SH3BGRL2: variants seen among roughly 807,000 people sequenced by gnomAD.
The protein encoded by SH3BGRL2 is SH3 domain-binding glutamic acid-rich-like protein 2.
A neutral mutation model predicts 14.8 loss-of-function variants in SH3BGRL2; 21 were observed. That is an observed-to-expected ratio of 1.42 (90% CI 1.01 to 2.05). The LOEUF is 2.05. Ranked by LOEUF, SH3BGRL2 falls within the 30% of genes most tolerant of loss-of-function variation. The probability of loss-of-function intolerance (pLI) is 0.00; values close to 1 mark genes in which losing one functional copy is unlikely to be tolerated. For synonymous variants in SH3BGRL2, 50 were observed against 47.8 expected, an observed-to-expected ratio of 1.05 and a Z score of -0.19; for missense variants, 147 against 130.8, an observed-to-expected ratio of 1.12 and a Z score of -0.61.
At chr6:79,626,919 G>A (rs1398787051), upstream of SH3BGRL2, among the ~76,000 whole-genome samples, 2 of 152,046 alleles carry the variant, frequency 1.3e-5, no homozygotes, top group South Asian at 2.1e-4. Flanking sequence ...GAAAATAGAC[G>A]CACTTAAACT....
At chr6:79,646,451 C>A (rs1017766458) in intron 1 of SH3BGRL2, among the ~76,000 whole-genome samples, 1 of 152,192 alleles carries the variant, frequency 6.6e-6, no homozygotes, top group Non-Finnish European at 1.5e-5. Context: ...CTGGTTCTGG[C>A]GTTGCCATTT....
chr6:79,543,031 A>G, the SH3BGRL2 span, among the ~76,000 whole-genome samples: 5 of 152,194 alleles, frequency 3.3e-5, no homozygotes, highest in Non-Finnish European at 7.3e-5. Flanking sequence ...AGATGACCTC[A>G]TGATCTTAAA....
At chr6:79,662,532 C>A (rs1304252712) in intron 1 of SH3BGRL2, among the ~76,000 whole-genome samples, 2 of 152,202 alleles carry the variant, frequency 1.3e-5, no homozygotes, top group Non-Finnish European at 2.9e-5. Context: ...GTCTGATGGG[C>A]TTCCCTTTGC....
the SH3BGRL2 span, among the ~76,000 whole-genome samples, chr6:79,596,020 G>A: frequency 6.6e-6 from 1 of 152,130 alleles, no homozygotes; most frequent in African/African-American, 2.4e-5. Context: ...TGGATTTATA[G>A]ATAGTAACAA....
chr6:79,693,670 G>C (rs1356844331), intron 2 of SH3BGRL2, among the ~76,000 whole-genome samples: 3 of 152,044 alleles, frequency 2.0e-5, no homozygotes, highest in Admixed American at 6.6e-5. Context: ...TTATTGATTT[G>C]CATATATTGA....
the SH3BGRL2 span, among the ~76,000 whole-genome samples, chr6:79,594,584 A>T: frequency 6.6e-6 from 1 of 151,982 alleles, no homozygotes; most frequent in Non-Finnish European, 1.5e-5. Context: ...CAATGGGTAG[A>T]TGGAGGCTAT....
At chr6:79,645,126 G>A (rs1769104035) in intron 1 of SH3BGRL2, among the ~76,000 whole-genome samples, 1 of 139,990 alleles carries the variant, frequency 7.1e-6, no homozygotes, top group African/African-American at 2.7e-5. Context: ...TTGCACCACT[G>A]CACTCCAGAC....
chr6:79,567,338 A>G, the SH3BGRL2 span, among the ~76,000 whole-genome samples: 12 of 152,232 alleles, frequency 7.9e-5, no homozygotes, highest in Admixed American at 7.8e-4. Context: ...ATCTAGGAAG[A>G]AAAAAGCCAA....
chr6:79,580,547 G>A, the SH3BGRL2 span, among the ~76,000 whole-genome samples: 1 of 152,114 alleles, frequency 6.6e-6, no homozygotes, highest in Non-Finnish European at 1.5e-5. Flanking sequence ...TGACTACTGG[G>A]TAAATAAAGA....
the SH3BGRL2 span, among the ~76,000 whole-genome samples, chr6:79,577,527 A>C: frequency 1.3e-5 from 2 of 152,218 alleles, no homozygotes; most frequent in Admixed American, 1.3e-4. Context: ...AAGTATTGTT[A>C]GCATTTCCTC....
chr6:79,611,773 C>A, the SH3BGRL2 span, among the ~76,000 whole-genome samples: 1 of 152,140 alleles, frequency 6.6e-6, no homozygotes, highest in African/African-American at 2.4e-5. Context: ...CAGTGTTGGG[C>A]AAATCCAGAT....
intron 2 of SH3BGRL2, among the ~76,000 whole-genome samples, chr6:79,689,911 G>A (rs1408660507): frequency 6.6e-6 from 1 of 152,130 alleles, no homozygotes; most frequent in Non-Finnish European, 1.5e-5. Context: ...GTGAGGCATT[G>A]TTTATGTTTT....
rs145179956 is a variant in SH3BGRL2, at chr6:79,663,579, G to A, written c.46-10035G>A. ...CACCCGCCTGTATGAGGTGTCAGTC[G>A]GCCCCTACTGGGAGGTGTCTCCCAG... On this transcript the variant is annotated intron_variant, in intron 1 of 3. Transcript: ENST00000369838. 5.8e-3 allele frequency among the ~76,000 whole-genome samples: 877 copies of A among 152,278 alleles called. 7 individuals carry two copies. The highest frequency in any genetic ancestry group is 0.014 in the Middle Eastern group (4 of 294).
the SH3BGRL2 span, among the ~76,000 whole-genome samples, chr6:79,620,450 G>A: frequency 6.6e-6 from 1 of 152,074 alleles, no homozygotes; most frequent in Non-Finnish European, 1.5e-5. Flanking sequence ...AATTACTTAT[G>A]CTTTAGCACA....
At chr6:79,588,777 C>G in the SH3BGRL2 span, among the ~76,000 whole-genome samples, 3 of 152,088 alleles carry the variant, frequency 2.0e-5, no homozygotes, top group Non-Finnish European at 4.4e-5. Flanking sequence ...GACATTGAAC[C>G]TGAGCACTTC....
the SH3BGRL2 span, among the ~76,000 whole-genome samples, chr6:79,618,780 G>A: frequency 6.6e-6 from 1 of 151,644 alleles, no homozygotes; most frequent in Non-Finnish European, 1.5e-5. Flanking sequence ...TTAGCCATGC[G>A]TGGTGGTATG....
chr6:79,650,050 C>T (rs1419365276), intron 1 of SH3BGRL2, among the ~76,000 whole-genome samples: 1 of 150,030 alleles, frequency 6.7e-6, no homozygotes, highest in Non-Finnish European at 1.5e-5. Context: ...AATTTCTTCA[C>T]TTTTTCTTTG....
chr6:79,630,218 A>T (rs3812159), upstream of SH3BGRL2, among the ~76,000 whole-genome samples: 1 of 152,218 alleles, frequency 6.6e-6, no homozygotes, highest in Non-Finnish European at 1.5e-5. Context: ...AATTTGAAAT[A>T]TTCATAACTG....
intron 2 of SH3BGRL2, among the ~76,000 whole-genome samples, chr6:79,680,546 G>A (rs1386664069): frequency 3.3e-5 from 5 of 151,968 alleles, no homozygotes; most frequent in Admixed American, 3.3e-4. Flanking sequence ...AAATTGTTTT[G>A]GCTGTTTAGG....
Sources: gnomAD v4.1 joint callset for allele counts (sites outside exome capture counted in the v4.1 genomes callset) on GRCh38, gnomAD v4.1.1 for gene constraint, MANE v1.5 for transcripts, NCBI Gene and HGNC (gene_info 2026-07-23, HGNC 2026-07-21) for gene names.